The following EFCAB6 variants were observed in gnomAD, a reference collection of about 807,000 sequenced individuals.
EFCAB6 encodes EF-hand calcium-binding domain-containing protein 6.
EFCAB6 carries 156 observed loss-of-function variants against 169.8 expected under a neutral mutation model. The observed-to-expected ratio is 0.92, with a 90% CI of 0.81 to 1.05. The LOEUF (loss-of-function observed/expected upper bound fraction) is 1.05, where lower values mean the gene tolerates loss of function less well. EFCAB6 is among the 50% of genes least tolerant of loss of function. The probability of loss-of-function intolerance (pLI) is 0.00; values close to 1 mark genes in which losing one functional copy is unlikely to be tolerated. For missense variants in EFCAB6, 1,800 were observed against 1,829.1 expected (o/e 0.98, Z 0.29); for synonymous variants, 698 against 676.4 (o/e 1.03, Z -0.50).
intron 8 of EFCAB6, among the ~76,000 whole-genome samples, chr22:43,724,373 T>C (rs953717858): frequency 2.7e-5 from 4 of 148,540 alleles, no homozygotes; most frequent in African/African-American, 9.9e-5. Context: ...TTTTCTTTTT[T>C]TTTTTTTTTT....
At chr22:43,675,062 CAACT>C (rs1033334913) in intron 13 of EFCAB6, among the ~76,000 whole-genome samples, 1 of 151,656 alleles carries the variant, frequency 6.6e-6, no homozygotes, top group African/African-American at 2.4e-5. Flanking sequence ...CAGCCAACAC[CAACT>C]GTCAGCCTAT....
At chr22:43,784,624 CATATATATGTATATGT>C (rs2061986321) in intron 2 of EFCAB6, among the ~76,000 whole-genome samples, 1 of 60,326 alleles carries the variant, frequency 1.7e-5, no homozygotes, top group African/African-American at 7.1e-5. Flanking sequence ...TATATATACA[CATATATATGTATATGT>C]ACACATATAT....
Position 43,687,473 on chromosome 22 carries a change from A to G in EFCAB6, c.1140T>C (p.Asn380=). The change falls in exon 11 of 32, where the codon AAT becomes AAC. Residue 380 remains asparagine (N), a splice_region_variant and synonymous_variant. Transcript: ENST00000262726. ...TTTTTTTTTTTTTTTTTACATACCT[A>G]TTTCTTTTTGTCAGGGGACCTTTAC... is the stretch of plus-strand genomic sequence containing the variant. ...VSSKGPLTKR[N]SINSRNESHK... 2.4e-6 allele frequency: 3 copies of G among 1,258,598 alleles called. No individual in the cohort carries two copies. Among genetic ancestry groups the G allele is most frequent in the South Asian group, 2.0e-5 (1 of 49,214 alleles). 78.0% of individuals were successfully genotyped at this position (1,258,598 alleles called of 1,614,324 possible).
chr22:43,782,269 G>A lies in EFCAB6; in HGVS notation c.50C>T (p.Thr17Ile), dbSNP rs1441048945. 1.9e-6 allele frequency: 3 copies of A among 1,613,938 alleles called. No individual in the cohort carries two copies. In the Admixed American group the frequency reaches 5.0e-5, roughly 27 times the overall value. Residue 17 changes from threonine (T) to isoleucine (I), a missense_variant, in exon 3 of 32, where the codon ACA becomes ATA. Transcript: ENST00000262726. ...GGGTCTTGAATGTGTAAATTTTCGTGTGTGAGGATGCGACCTAAGCCAGTC... is the reference window on the plus strand; with the variant it reads ...GGGTCTTGAATGTGTAAATTTTCGTATGTGAGGATGCGACCTAAGCCAGTC... ...IPDWLRSHPH[T>I]RKFTHSRPHS...
intron 12 of EFCAB6, among the ~76,000 whole-genome samples, chr22:43,681,799 C>T (rs952087290): frequency 6.6e-6 from 1 of 152,080 alleles, no homozygotes; most frequent in African/African-American, 2.4e-5. Context: ...ATGTCAGCTA[C>T]AAATAACAAT....
At position 43,744,980 on chromosome 22, in the gene EFCAB6, A is replaced by G. The variant is rs2060510801; in HGVS notation, c.508-8987T>C. On this transcript the variant is annotated intron_variant, in intron 6 of 31. Coordinates refer to ENST00000262726, the MANE Select transcript of EFCAB6 (RefSeq NM_022785.4). This position sits in a 1 kb window ranked among gnomAD's most constrained non-coding sequence, Gnocchi z 4.3. The stretch of plus-strand genomic sequence containing the variant: ...CTGCACTGGACCTGTTTAGACCTAA[A>G]TGTGACCAGAGAGCCACCAGATCTG... Among the ~76,000 whole-genome samples, 1 of 152,208 alleles carries G rather than the reference A, an allele frequency of 6.6e-6. No individual in the cohort carries two copies. The highest frequency in any genetic ancestry group is 6.5e-5 in the Admixed American group (1 of 15,286).
intron 12 of EFCAB6, among the ~76,000 whole-genome samples, 166 bp from the exon 13 acceptor site, chr22:43,678,329 CTGTGTGTG>C (rs137787): frequency 0.049 from 7,095 of 144,312 alleles, 187 homozygotes; most frequent in African/African-American, 0.058. Context: ...AACATGAGCA[CTGTGTGTG>C]TGTGTGTGTG....
chr22:43,623,201 C>T (rs976561745), intron 20 of EFCAB6, among the ~76,000 whole-genome samples: 1 of 152,146 alleles, frequency 6.6e-6, no homozygotes, highest in East Asian at 1.9e-4. Flanking sequence ...CAGGAAGGAT[C>T]TGATCATGCA....
intron 24 of EFCAB6, among the ~76,000 whole-genome samples, chr22:43,588,816 G>A (rs2051251880): frequency 6.6e-6 from 1 of 152,050 alleles, no homozygotes; most frequent in African/African-American, 2.4e-5. Flanking sequence ...ATGAACAGAA[G>A]AAATAGGATA....
intron 10 of EFCAB6, among the ~76,000 whole-genome samples, chr22:43,710,219 G>T (rs73887395): frequency 0.023 from 3,442 of 152,270 alleles, 121 homozygotes; most frequent in African/African-American, 0.079. Context: ...AATGGCTCAT[G>T]CCAGGTCCCA....
intron 17 of EFCAB6, among the ~76,000 whole-genome samples, chr22:43,666,630 C>T (rs1397662532): frequency 6.6e-6 from 1 of 151,342 alleles, no homozygotes; most frequent in Non-Finnish European, 1.5e-5. Context: ...CAGAAACTCA[C>T]CAGTTCCCAT....
chr22:43,626,325 G>C, intron 20 of EFCAB6, 122 bp downstream of exon 20: 1 of 1,039,004 alleles, frequency 9.6e-7, no homozygotes. Context: ...TCTGAACCAA[G>C]AAAAAGAAAA....
intron 27 of EFCAB6, among the ~76,000 whole-genome samples, chr22:43,550,277 A>G (rs2048307161): frequency 6.6e-6 from 1 of 152,174 alleles, no homozygotes; most frequent in Admixed American, 6.5e-5. Context: ...ATGAGAGCAG[A>G]AGCACGACTG....
chr22:43,639,065 C>G (rs145223452), intron 17 of EFCAB6, among the ~76,000 whole-genome samples: 1 of 152,128 alleles, frequency 6.6e-6, no homozygotes, highest in African/African-American at 2.4e-5. Flanking sequence ...GGTTGTCCTG[C>G]ACCCTGTTCT....
intron 11 of EFCAB6, among the ~76,000 whole-genome samples, 174 bp from the exon 12 acceptor site, chr22:43,684,029 T>G (rs1462064933): frequency 1.3e-5 from 2 of 152,186 alleles, no homozygotes; most frequent in Non-Finnish European, 2.9e-5. Flanking sequence ...TCAGTTACTG[T>G]GATCAGAGAG....
chr22:43,675,457 T>A (rs570184638), intron 13 of EFCAB6, among the ~76,000 whole-genome samples: 8 of 74,214 alleles, frequency 1.1e-4, no homozygotes, highest in Non-Finnish European at 1.3e-4. Context: ...GTATAATATA[T>A]GATATAATAT....
At position 43,678,058 on chromosome 22, in the gene EFCAB6, G is replaced by A; in HGVS notation, c.1357C>T (p.Pro453Ser). ...GTGTTGACCACTCCAGTGTCCCCAG[G>A]GTCAAGCATTTGCATTAGTTCTTTG... ...EFKELMQMLD[P>S]GDTGVVNTSM... Residue 453 changes from proline (P) to serine (S), a missense_variant, in exon 13 of 32, where the codon CCT becomes TCT. Transcript: ENST00000262726. 2 of 1,613,874 alleles carry A rather than the reference G, an allele frequency of 1.2e-6. No homozygotes were observed.
At chr22:43,649,887 C>G (rs1448666233) in intron 17 of EFCAB6, among the ~76,000 whole-genome samples, 7 of 152,106 alleles carry the variant, frequency 4.6e-5, no homozygotes, top group African/African-American at 1.7e-4. Context: ...CCCAGGCAGA[C>G]AGAGAAGCAA....
chr22:43,754,690 T>C (rs2060891570), intron 6 of EFCAB6, among the ~76,000 whole-genome samples: 2 of 152,228 alleles, frequency 1.3e-5, no homozygotes, highest in Admixed American at 6.5e-5. Flanking sequence ...TCCTGGCCTT[T>C]GTCTGCATCT....
Sources: allele counts gnomAD v4.1 joint callset (sites outside exome capture counted in the v4.1 genomes callset), GRCh38; gene constraint gnomAD v4.1.1; non-coding constraint Gnocchi (gnomAD v3.1); transcripts MANE v1.5; gene names NCBI Gene and HGNC (gene_info 2026-07-23, HGNC 2026-07-21).